The following TARBP1 variants were observed in gnomAD, a reference collection of about 807,000 sequenced individuals.
TARBP1 encodes the protein tRNA guanosine 2 -O-methyltransferase TARBP1.
Under a neutral mutation model 178.6 loss-of-function variants are expected in TARBP1, and 144 were observed. The ratio of observed to expected loss-of-function variants is 0.81; its 90% CI spans 0.70 to 0.93. TARBP1 has a LOEUF of 0.93. Among genes scored for constraint, TARBP1 ranks in the 40% least tolerant of loss-of-function variants. The pLI is 0.00. For missense variants in TARBP1, 2,067 were observed against 2,011.7 expected, an observed-to-expected ratio of 1.03 and a Z score of -0.53; for synonymous variants, 787 against 781.0, an observed-to-expected ratio of 1.01 and a Z score of -0.13.
chr1:234,427,338 G>A lies in TARBP1; in HGVS notation c.3302C>T (p.Ala1101Val), dbSNP rs551311836. Residue 1101 changes from alanine (A) to valine (V), a missense_variant, in exon 19 of 30, where the codon GCG (alanine) becomes GTG (valine). Transcript: ENST00000040877. Reference protein sequence around the residue: ...TFIENLGHDCAANIVMENTKR... With the variant: ...TFIENLGHDCVANIVMENTKR... ...TTACTTTTCCATAACAATATTTGCC[G>A]CACAGTCATGTCCAAGGTTTTCTAT... 160 of 1,610,314 alleles carry A rather than the reference G, an allele frequency of 9.9e-5. No homozygotes were observed. Among genetic ancestry groups the A allele is most frequent in the South Asian group, 2.2e-4 (20 of 90,232 alleles).
chr1:234,400,556 T>C (rs971625933), intron 25 of TARBP1, among the ~76,000 whole-genome samples: 1 of 152,198 alleles, frequency 6.6e-6, no homozygotes, highest in Non-Finnish European at 1.5e-5. Context: ...GGAAAAGCCC[T>C]AGGTCAGTGA....
At position 234,419,966 on chromosome 1, in the gene TARBP1, A is replaced by T. The variant is rs1662901676; in HGVS notation, c.3555+736T>A. On this transcript the variant is annotated intron_variant, in intron 21 of 29. Coordinates refer to ENST00000040877, the MANE Select transcript of TARBP1 (RefSeq NM_005646.4). The stretch of plus-strand genomic sequence containing the variant: ...ATATATATTTGTAATTCTCTCACAC[A>T]TTTAAAAGAAGGTAGGGAGGACAGT... Among the ~76,000 whole-genome samples the T allele has an allele frequency of 4.6e-5, 7 of 152,328 alleles. No homozygotes were observed. The South Asian group carries it at 1.4e-3, about 32-fold the overall frequency.
chr1:234,432,226 G>C (rs1664512248), intron 14 of TARBP1, among the ~76,000 whole-genome samples: 1 of 150,912 alleles, frequency 6.6e-6, no homozygotes, highest in Non-Finnish European at 1.5e-5. Context: ...CAAATTGCTT[G>C]AAGTCAAGAG....
intron 7 of TARBP1, 76 bp from the exon 8 acceptor site, chr1:234,459,402 G>A: frequency 1.7e-6 from 2 of 1,148,396 alleles, no homozygotes; most frequent in South Asian, 2.9e-5. Context: ...TCAACAAGTT[G>A]ATTTATAACA....
At chr1:234,410,327 G>A (rs1460468341) in intron 23 of TARBP1, 118 bp downstream of exon 23, 1 of 602,124 alleles carries the variant, frequency 1.7e-6, no homozygotes, top group Admixed American at 3.4e-5. Flanking sequence ...GCAGGGCAGT[G>A]GAAAGGAAAG....
intron 10 of TARBP1, among the ~76,000 whole-genome samples, chr1:234,449,958 A>C (rs1297637405): frequency 6.6e-6 from 1 of 152,244 alleles, no homozygotes; most frequent in Non-Finnish European, 1.5e-5. Flanking sequence ...CTGCTGAAAA[A>C]GAAACTAACA....
At chr1:234,436,255 A>G (rs1344225124) in intron 13 of TARBP1, among the ~76,000 whole-genome samples, 1 of 152,226 alleles carries the variant, frequency 6.6e-6, no homozygotes, top group African/African-American at 2.4e-5. Flanking sequence ...TTTTCCATAC[A>G]AACAGGTAAA....
chr1:234,395,271 A>G (rs573233152), intron 26 of TARBP1, among the ~76,000 whole-genome samples: 1 of 152,326 alleles, frequency 6.6e-6, no homozygotes. Context: ...AAACCATTAA[A>G]AAATTTTAAG....
rs1032426002 is a variant in TARBP1 at position 234,392,490 on chromosome 1, A to C, written c.4623T>G (p.Ile1541Met). The change falls in exon 29 of 30, where the codon ATT becomes ATG. Residue 1541 changes from isoleucine (I) to methionine (M), a missense_variant. Transcript: ENST00000040877. ...QQKKTEGYTI[I>M]GVEQTAKSLD... ...AACTTTTGGCAGTTTGTTCCACTCC[A>C]ATGATGGTATAACCTTCTGTTTTCT... The C allele has an allele frequency of 4.3e-6, 7 of 1,614,044 alleles. No homozygotes were observed. The highest frequency in any genetic ancestry group is 1.3e-5 in the African/African-American group (1 of 74,942).
At chr1:234,420,233 T>C (rs1440429995) in intron 21 of TARBP1, among the ~76,000 whole-genome samples, 1 of 152,218 alleles carries the variant, frequency 6.6e-6, no homozygotes, top group Non-Finnish European at 1.5e-5. Flanking sequence ...AGCTGGTTTG[T>C]ATGGTCACAC....
intron 5 of TARBP1, among the ~76,000 whole-genome samples, chr1:234,464,712 G>C (rs569154743): frequency 2.0e-5 from 3 of 152,260 alleles, no homozygotes; most frequent in Admixed American, 6.5e-5. Context: ...TCAAGAAATT[G>C]GCTGGTGGGG....
intron 9 of TARBP1, among the ~76,000 whole-genome samples, chr1:234,451,946 C>T (rs6665389): frequency 0.3 from 44,953 of 151,852 alleles, 6,847 homozygotes; most frequent in Admixed American, 0.4. Flanking sequence ...TAACAGTATA[C>T]ACTTTTCTTT....
At chr1:234,434,773 G>C (rs138711496) in intron 13 of TARBP1, among the ~76,000 whole-genome samples, 3 of 151,790 alleles carry the variant, frequency 2.0e-5, no homozygotes, top group East Asian at 3.9e-4. Flanking sequence ...AGAAAAGAAG[G>C]GGTCAGGGAC....
Position 234,469,060 on chromosome 1 carries a change from C to CTTT in TARBP1, c.1100-1413_1100-1411dup, listed in dbSNP as rs765324709. Among the ~76,000 whole-genome samples the CTTT allele has an allele frequency of 3.9e-3, 266 of 68,536 alleles. 1 individual carries two copies. Among genetic ancestry groups the CTTT allele is most frequent in the African/African-American group, 8.0e-3 (150 of 18,810 alleles). 45.0% of individuals were successfully genotyped at this position (68,536 alleles called of 152,430 possible). On this transcript the variant is annotated intron_variant, in intron 3 of 29. Transcript: ENST00000040877. The stretch of plus-strand genomic sequence containing the variant: ...GTGCGAAAGTCGTTGCGGTTTTTGC[C>CTTT]TTTTTTTTTTTTTTTTTAAAAAAAA...
chr1:234,408,184 A>G (rs1350646010), intron 23 of TARBP1, among the ~76,000 whole-genome samples: 1 of 151,850 alleles, frequency 6.6e-6, no homozygotes, highest in Non-Finnish European at 1.5e-5. Flanking sequence ...CACAACTATG[A>G]GCATAATTAA....
intron 5 of TARBP1, among the ~76,000 whole-genome samples, chr1:234,465,101 T>C (rs1271250726): frequency 6.7e-6 from 1 of 149,458 alleles, no homozygotes; most frequent in Non-Finnish European, 1.5e-5. Flanking sequence ...GATGGATGGA[T>C]GGCGGACAGA....
intron 1 of TARBP1, among the ~76,000 whole-genome samples, chr1:234,474,813 T>C (rs548339840): frequency 2.6e-5 from 4 of 152,252 alleles, no homozygotes; most frequent in East Asian, 3.9e-4. Flanking sequence ...TAGAAAACCA[T>C]AGGAGATCGT....
In TARBP1 at chr1:234,450,524, A is replaced by T. The variant is rs757076560; in HGVS notation, c.1765T>A (p.Ser589Thr). Residue 589 changes from serine to threonine, a missense_variant, in exon 10 of 30, where the codon TCC (serine) becomes ACC (threonine). Physicochemically the swap from Ser to Thr is moderately conservative, Grantham distance 58 (BLOSUM62 1). Coordinates refer to ENST00000040877, the MANE Select transcript of TARBP1 (RefSeq NM_005646.4). Reference protein sequence around the residue: ...LRVNESYFKPSPTCSSIGLHK... With the variant: ...LRVNESYFKPTPTCSSIGLHK... ...AGTCCAATGGAGCTACACGTAGGGG[A>T]TGGCTTAAAATAGCTTTCATTAACA... 1 of 1,611,488 alleles carries T rather than the reference A, an allele frequency of 6.2e-7. No homozygotes were observed. The highest frequency in any genetic ancestry group is 1.1e-5 in the South Asian group (1 of 90,452).
chr1:234,458,825 C>A (rs1046136585), intron 8 of TARBP1, among the ~76,000 whole-genome samples: 1 of 152,212 alleles, frequency 6.6e-6, no homozygotes, highest in Non-Finnish European at 1.5e-5. Flanking sequence ...TGTGACAACA[C>A]AGTGAAAGTC....
Sources: gnomAD v4.1 joint callset for allele counts (sites outside exome capture counted in the v4.1 genomes callset) on GRCh38, gnomAD v4.1.1 for gene constraint, MANE v1.5 for transcripts, NCBI Gene and HGNC (gene_info 2026-07-23, HGNC 2026-07-21) for gene names.